The following M1AP variants were observed in gnomAD, a reference collection of about 807,000 sequenced individuals.
M1AP encodes the protein meiosis 1 arrest protein.
In M1AP, 39 loss-of-function variants were observed where a neutral mutation model predicts 51.2. The ratio of observed to expected loss-of-function variants is 0.76; its 90% CI spans 0.59 to 1.00. M1AP has a LOEUF of 1.00. Among genes scored for constraint, M1AP ranks in the 50% least tolerant of loss-of-function variants. The pLI is 0.00. For synonymous variants in M1AP, 251 were observed against 249.2 expected (o/e 1.01, Z -0.07); for missense variants, 545 against 641.2 (o/e 0.85, Z 1.62).
At chr2:74,646,458 G>A (rs1236037623) in intron 1 of M1AP, among the ~76,000 whole-genome samples, 1 of 152,166 alleles carries the variant, frequency 6.6e-6, no homozygotes, top group Non-Finnish European at 1.5e-5. Context: ...CTTGAGGAAA[G>A]TCATTGTGAT....
At chr2:74,646,323 C>G (rs977278720) in intron 1 of M1AP, among the ~76,000 whole-genome samples, 1 of 152,180 alleles carries the variant, frequency 6.6e-6, no homozygotes, top group Admixed American at 6.5e-5. Flanking sequence ...GGAGTGAAAT[C>G]TGAATCTAAC....
intron 4 of M1AP, among the ~76,000 whole-genome samples, chr2:74,601,357 G>A (rs1446545350): frequency 6.6e-6 from 1 of 152,006 alleles, no homozygotes; most frequent in African/African-American, 2.4e-5. Flanking sequence ...GTATGGTATA[G>A]TCTCATTTTT....
chr2:74,637,861 T>C lies in M1AP; in HGVS notation c.240+2175A>G, dbSNP rs183191724. On this transcript the variant is annotated intron_variant, in intron 2 of 10. Coordinates refer to ENST00000421985, the MANE Select transcript of M1AP (RefSeq NM_001321739.2). ...ATGTACTGATCAGTACTCTGCTGAA[T>C]ACTCAAGGGGCACCCTCTTCAGGTC... is the stretch of plus-strand genomic sequence containing the variant. Among the ~76,000 whole-genome samples, 345 of 152,280 alleles carry C rather than the reference T, an allele frequency of 2.3e-3. 1 individual carries two copies. Among genetic ancestry groups the C allele is most frequent in the African/African-American group, 8.1e-3 (335 of 41,540 alleles).
chr2:74,581,975 T>C (rs1221029466), intron 4 of M1AP, 128 bp from the exon 5 acceptor site: 1 of 775,336 alleles, frequency 1.3e-6, no homozygotes, highest in Admixed American at 2.7e-5. Flanking sequence ...TAAAGTACAG[T>C]GGCTATTCAC....
rs575367961 is a variant in M1AP, at chr2:74,568,154, G to C, written c.1075-5731C>G. Among the ~76,000 whole-genome samples, 17 of 152,346 alleles carry C rather than the reference G, an allele frequency of 1.1e-4. No homozygotes were observed. In the South Asian group the frequency reaches 2.3e-3, roughly 20 times the overall value. On this transcript the variant is annotated intron_variant, in intron 7 of 10. Transcript: ENST00000421985. Reference sequence around the variant, plus strand: ...CACTTGTAAGGAAATCCAGGAGCCTGAAAATGAAAACATGGTGAAGCCGGC... The same window carrying C: ...CACTTGTAAGGAAATCCAGGAGCCTCAAAATGAAAACATGGTGAAGCCGGC...
At chr2:74,560,068 G>A in intron 9 of M1AP, 83 bp downstream of exon 9, 2 of 1,468,956 alleles carry the variant, frequency 1.4e-6, no homozygotes, top group Non-Finnish European at 1.8e-6. Flanking sequence ...GTGTTGGGAT[G>A]GGGGAGGAGG....
chr2:74,589,355 G>C (rs1220249544), intron 4 of M1AP, among the ~76,000 whole-genome samples: 1 of 152,216 alleles, frequency 6.6e-6, no homozygotes, highest in Non-Finnish European at 1.5e-5. Flanking sequence ...GCACACTCAT[G>C]TATCAACAGG....
At chr2:74,606,582 AAG>A (rs1318009602) in intron 4 of M1AP, among the ~76,000 whole-genome samples, 3 of 152,010 alleles carry the variant, frequency 2.0e-5, no homozygotes, top group Admixed American at 1.3e-4. Context: ...TTAAAATATT[AAG>A]AGAGTGTGTG....
intron 4 of M1AP, among the ~76,000 whole-genome samples, chr2:74,589,831 C>T (rs1280249460): frequency 1.3e-5 from 2 of 152,178 alleles, no homozygotes; most frequent in East Asian, 1.9e-4. Context: ...TGACTGTTAA[C>T]TAAAGAACTA....
chr2:74,575,630 C>T, intron 6 of M1AP, 51 bp from the exon 7 acceptor site: 1 of 1,358,788 alleles, frequency 7.4e-7, no homozygotes, highest in Middle Eastern at 2.0e-4. Context: ...TCTAGAACCT[C>T]CACCTAGATC....
intron 7 of M1AP, chr2:74,575,232 T>C (rs1374296771): frequency 6.4e-6 from 6 of 934,274 alleles, no homozygotes; most frequent in Non-Finnish European, 7.7e-6. Context: ...TAGTGTTGTA[T>C]AACTGAATTC....
intron 4 of M1AP, among the ~76,000 whole-genome samples, chr2:74,601,235 T>C (rs1268298427): frequency 6.6e-6 from 1 of 152,126 alleles, no homozygotes; most frequent in East Asian, 1.9e-4. Flanking sequence ...TGATGATTAA[T>C]TCATACATTG....
chr2:74,566,494 A>G (rs1678388504), intron 7 of M1AP, among the ~76,000 whole-genome samples: 1 of 152,206 alleles, frequency 6.6e-6, no homozygotes, highest in Non-Finnish European at 1.5e-5. Flanking sequence ...ACAGTTCAGC[A>G]TATTTGGAGA....
Position 74,560,145 on chromosome 2 carries a change from C to G in M1AP, c.1422+6G>C. 1 of 1,613,062 alleles carries G rather than the reference C, an allele frequency of 6.2e-7. No homozygotes were observed. Among genetic ancestry groups the G allele is most frequent in the Non-Finnish European group, 8.5e-7 (1 of 1,179,790 alleles). ...AAGGAAGAGGAGGGAAGGAGGGGAGCGGTACCTTTCTCGGAGCTCGGCTCT... is the reference window on the plus strand; with the variant it reads ...AAGGAAGAGGAGGGAAGGAGGGGAGGGGTACCTTTCTCGGAGCTCGGCTCT... On this transcript the variant is annotated splice_donor_region_variant and intron_variant, in intron 9 of 10. Coordinates refer to ENST00000421985, the MANE Select transcript of M1AP (RefSeq NM_001321739.2).
At chr2:74,597,021 T>A (rs181398209) in intron 4 of M1AP, among the ~76,000 whole-genome samples, 1 of 152,340 alleles carries the variant, frequency 6.6e-6, no homozygotes, top group Non-Finnish European at 1.5e-5. Context: ...TTCTGTATAT[T>A]GATCGTGATG....
Position 74,558,488 on chromosome 2 carries a change from A to G in M1AP, c.*228T>C. The G allele has an allele frequency of 1.9e-6, 1 of 513,114 alleles. No individual in the cohort carries two copies. Among genetic ancestry groups the G allele is most frequent in the Admixed American group, 4.2e-5 (1 of 23,698 alleles). 31.8% of individuals were successfully genotyped at this position (513,114 alleles called of 1,614,324 possible). A position where few individuals can be genotyped will look rare whatever the true frequency, so the allele number is the denominator to read the frequency against. ...TGTGTAAACAGTAGCAAATGATTCT[A>G]AAGAAAATGAAAGTCCTTGCTGGAG... On this transcript the variant is annotated 3_prime_UTR_variant, in exon 11 of 11. Coordinates refer to ENST00000421985, the MANE Select transcript of M1AP (RefSeq NM_001321739.2).
At chr2:74,574,525 T>C (rs796708040) in intron 7 of M1AP, among the ~76,000 whole-genome samples, 3 of 152,366 alleles carry the variant, frequency 2.0e-5, no homozygotes, top group African/African-American at 7.2e-5. Flanking sequence ...ACTAGTCTAC[T>C]GCAATACCCT....
intron 3 of M1AP, among the ~76,000 whole-genome samples, chr2:74,609,970 T>G (rs1199822401): frequency 6.6e-6 from 1 of 152,124 alleles, no homozygotes; most frequent in East Asian, 1.9e-4. Flanking sequence ...TTTACAAATA[T>G]TTTCTTCCAT....
intron 1 of M1AP, among the ~76,000 whole-genome samples, chr2:74,640,751 T>C (rs1299465971): frequency 1.3e-5 from 2 of 152,244 alleles, no homozygotes; most frequent in Non-Finnish European, 2.9e-5. Context: ...CCACCGTACC[T>C]GGCCCAGGCC....
Sources: allele counts gnomAD v4.1 joint callset (sites outside exome capture counted in the v4.1 genomes callset), GRCh38; gene constraint gnomAD v4.1.1; transcripts MANE v1.5; gene names NCBI Gene and HGNC (gene_info 2026-07-23, HGNC 2026-07-21).